The following PHF21B variants were observed in gnomAD, a reference collection of about 807,000 sequenced individuals.
PHF21B encodes the protein PHD finger protein 21B, also known as PHD finger protein 4.
PHF21B carries 22 observed loss-of-function variants against 62.2 expected under a neutral mutation model. The observed-to-expected ratio is 0.35, with a 90% CI of 0.25 to 0.51. The LOEUF is 0.51. Among genes scored for constraint, PHF21B ranks in the 20% least tolerant of loss-of-function variants. PHF21B has a pLI of 0.97. For missense variants in PHF21B, 701 were observed against 707.9 expected, an observed-to-expected ratio of 0.99 and a Z score of 0.11; for synonymous variants, 341 against 314.7, an observed-to-expected ratio of 1.08 and a Z score of -0.88.
At chr22:44,933,354 G>A (rs1443535429) in intron 2 of PHF21B, 14 of 635,374 alleles carry the variant, frequency 2.2e-5, no homozygotes, top group East Asian at 2.8e-4. Context: ...CAGGGGATCC[G>A]TCCGCCTCGG....
chr22:44,928,002 G>C (rs533655610), intron 2 of PHF21B, among the ~76,000 whole-genome samples: 121 of 152,300 alleles, frequency 7.9e-4, no homozygotes, highest in Middle Eastern at 6.8e-3. Flanking sequence ...GCTCAGACAC[G>C]GGGAGACAGC....
At chr22:44,905,243 C>T (rs1430169094) in intron 5 of PHF21B, among the ~76,000 whole-genome samples, 5 of 152,214 alleles carry the variant, frequency 3.3e-5, no homozygotes, top group African/African-American at 4.8e-5. Context: ...TTTTCTTTTA[C>T]ATGTTTGCAT....
intron 2 of PHF21B, among the ~76,000 whole-genome samples, chr22:44,990,226 C>G (rs1601685850): frequency 6.6e-6 from 1 of 152,248 alleles, no homozygotes; most frequent in South Asian, 2.1e-4. Context: ...GAGGATGACA[C>G]AGGCAACCAA....
chr22:44,957,019 T>C (rs1233159492), intron 2 of PHF21B, among the ~76,000 whole-genome samples: 3 of 152,166 alleles, frequency 2.0e-5, no homozygotes, highest in African/African-American at 7.2e-5. Flanking sequence ...GCCCTCCTGC[T>C]GGTGGTGGGA....
At chr22:44,960,947 C>T (rs1046185397) in intron 2 of PHF21B, among the ~76,000 whole-genome samples, 7 of 132,634 alleles carry the variant, frequency 5.3e-5, no homozygotes, top group East Asian at 2.2e-4. Context: ...TTCAAAATCA[C>T]GTGAGTTGAT....
chr22:44,991,012 G>GAGGCGGGAATCAAAGCCCCGCC (rs767041018), intron 2 of PHF21B, among the ~76,000 whole-genome samples: 23 of 152,210 alleles, frequency 1.5e-4, no homozygotes, highest in African/African-American at 4.8e-4. Flanking sequence ...CCAGGCCTGC[G>GAGGCGGGAATCAAAGCCCCGCC]AGGCGGGAAT....
In PHF21B at chr22:44,908,860, C is replaced by T. The variant is rs551581590; in HGVS notation, c.831+4962G>A. On this transcript the variant is annotated intron_variant, in intron 5 of 12. Transcript: ENST00000313237. ...TCACCCAGGCTGGAGTGCAGTGGTG[C>T]AATCTTGGCTCACCGCAACCTCCGC... 2.5e-3 allele frequency among the ~76,000 whole-genome samples: 374 copies of T among 152,314 alleles called. 1 individual carries two copies. Among genetic ancestry groups the T allele is most frequent in the African/African-American group, 8.5e-3 (354 of 41,568 alleles).
At chr22:44,895,402 C>T (rs546659130) in intron 6 of PHF21B, among the ~76,000 whole-genome samples, 5 of 152,322 alleles carry the variant, frequency 3.3e-5, no homozygotes, top group South Asian at 2.1e-4. Flanking sequence ...ACAGCCCCTT[C>T]GTAGAGTCAC....
chr22:44,942,959 G>A (rs2071988324), intron 2 of PHF21B, among the ~76,000 whole-genome samples: 1 of 151,272 alleles, frequency 6.6e-6, no homozygotes. Flanking sequence ...ACAGGCCTGA[G>A]GCAGGGACCC....
At chr22:44,986,255 C>G (rs920929382) in intron 2 of PHF21B, among the ~76,000 whole-genome samples, 3 of 151,352 alleles carry the variant, frequency 2.0e-5, no homozygotes, top group Non-Finnish European at 4.4e-5. Flanking sequence ...CCATCATCAC[C>G]ACCATCACCA....
Position 44,882,050 on chromosome 22 carries a change from C to T in PHF21B, c.*1036G>A, listed in dbSNP as rs2070749593. On this transcript the variant is annotated 3_prime_UTR_variant, in exon 13 of 13. Coordinates refer to ENST00000313237, the MANE Select transcript of PHF21B (RefSeq NM_138415.5). ...TACTAGAAGCAGAAAGGAAGTCAGC[C>T]AGAGTCCCCCCAACCATTCACATTA... 6.5e-6 allele frequency: 1 copy of T among 152,788 alleles called. No individual in the cohort carries two copies. The allele number at this position is 152,788 out of a possible 1,614,324, so 9.5% of individuals were successfully genotyped here. A position where few individuals can be genotyped will look rare whatever the true frequency, so the allele number is the denominator to read the frequency against.
intron 2 of PHF21B, among the ~76,000 whole-genome samples, chr22:45,005,742 C>T (rs1174332389): frequency 1.3e-5 from 2 of 152,112 alleles, no homozygotes; most frequent in Non-Finnish European, 2.9e-5. Context: ...GAAACTTAAC[C>T]TTTATATCCG....
intron 2 of PHF21B, among the ~76,000 whole-genome samples, chr22:44,978,320 G>C (rs1335019382): frequency 1.3e-5 from 2 of 152,002 alleles, no homozygotes; most frequent in African/African-American, 4.8e-5. Context: ...TATTCGTCTG[G>C]AAGAAACAAA....
chr22:44,976,795 A>G (rs763860133), intron 2 of PHF21B, among the ~76,000 whole-genome samples: 6 of 152,250 alleles, frequency 3.9e-5, no homozygotes, highest in Non-Finnish European at 7.3e-5. Flanking sequence ...TAAAACGTGT[A>G]ACATTTGAAG....
In PHF21B at chr22:44,974,370, C is replaced by T. The variant is rs2072696527; in HGVS notation, c.120+34175G>A. Among the ~76,000 whole-genome samples, 3 of 151,030 alleles carry T rather than the reference C, an allele frequency of 2.0e-5. 1 individual carries two copies. The highest frequency in any genetic ancestry group is 4.2e-4 in the South Asian group (2 of 4,792). On this transcript the variant is annotated intron_variant, in intron 2 of 12. Coordinates refer to ENST00000313237, the MANE Select transcript of PHF21B (RefSeq NM_138415.5). ...TTGAGACTGCAGTGAGCCATGATCG[C>T]ACCACTGCACTCCAGCCTGGGCGAC... is the stretch of plus-strand genomic sequence containing the variant.
At chr22:44,884,914 A>G (rs1385316462) in intron 12 of PHF21B, among the ~76,000 whole-genome samples, 2 of 152,186 alleles carry the variant, frequency 1.3e-5, no homozygotes, top group African/African-American at 2.4e-5. Context: ...CACCACAACC[A>G]TCATCTTCAT....
intron 6 of PHF21B, among the ~76,000 whole-genome samples, chr22:44,895,698 C>T (rs372552052): frequency 2.6e-5 from 4 of 152,218 alleles, no homozygotes; most frequent in South Asian, 4.1e-4. Context: ...GGAGCCCACA[C>T]GGTCCCTCCG....
At chr22:44,936,503 C>T (rs973987742) in intron 2 of PHF21B, among the ~76,000 whole-genome samples, 4 of 152,216 alleles carry the variant, frequency 2.6e-5, no homozygotes, top group Admixed American at 2.6e-4. Context: ...TCGCTGCCCA[C>T]TCGAGACAGG....
At chr22:44,910,393 G>C (rs1420338340) in intron 5 of PHF21B, among the ~76,000 whole-genome samples, 1 of 152,168 alleles carries the variant, frequency 6.6e-6, no homozygotes, top group Non-Finnish European at 1.5e-5. Flanking sequence ...CTCAAGACCA[G>C]CCTGGGCAAC....
Sources: allele counts gnomAD v4.1 joint callset (sites outside exome capture counted in the v4.1 genomes callset), GRCh38; gene constraint gnomAD v4.1.1; transcripts MANE v1.5; gene names NCBI Gene and HGNC (gene_info 2026-07-23, HGNC 2026-07-21).